PEX5L: variants seen among roughly 807,000 people sequenced by gnomAD.
PEX5L encodes the protein peroxisomal biogenesis factor 5 like, also known as PEX5-related protein.
Under a neutral mutation model 84.0 loss-of-function variants are expected in PEX5L, and 30 were observed. The ratio of observed to expected loss-of-function variants is 0.36; its 90% confidence interval spans 0.27 to 0.48. PEX5L has a LOEUF of 0.48. PEX5L is among the 20% of genes least tolerant of loss of function. The pLI is 0.99. For synonymous variants in PEX5L, 270 were observed against 283.1 expected, an observed-to-expected ratio of 0.95 and a Z score of 0.46; for missense variants, 533 against 754.6, an observed-to-expected ratio of 0.71 and a Z score of 3.44.
intron 7 of PEX5L, among the ~76,000 whole-genome samples, chr3:179,867,352 T>C (rs1748702237): frequency 1.3e-5 from 2 of 152,200 alleles, no homozygotes; most frequent in South Asian, 4.1e-4. Flanking sequence ...GTTGTTTTCC[T>C]TTTTTGTTAG....
chr3:179,998,960 C>G (rs1788139187), intron 1 of PEX5L, among the ~76,000 whole-genome samples: 1 of 152,196 alleles, frequency 6.6e-6, no homozygotes, highest in African/African-American at 2.4e-5. Flanking sequence ...CAAAAGTGGA[C>G]AGCTGCAGCA....
In PEX5L at chr3:179,801,616, T is replaced by G; in HGVS notation, c.*212A>C. 1 of 542,202 alleles carries G rather than the reference T, an allele frequency of 1.8e-6. No homozygotes were observed. 33.6% of individuals were successfully genotyped at this position (542,202 alleles called of 1,614,324 possible). On this transcript the variant is annotated 3_prime_UTR_variant, in exon 15 of 15. Coordinates refer to ENST00000467460, the MANE Select transcript of PEX5L (RefSeq NM_016559.3). Reference sequence around the variant, plus strand: ...GTCTTGAGTCTCTTAATTCTTCTTTTGAGCCTGACTTTGACTCTATATACA... The same window carrying G: ...GTCTTGAGTCTCTTAATTCTTCTTTGGAGCCTGACTTTGACTCTATATACA...
chr3:179,880,007 C>T lies in PEX5L; in HGVS notation c.427G>A (p.Gly143Arg), dbSNP rs1334355142. The T allele has an allele frequency of 6.2e-7, 1 of 1,613,960 alleles. No homozygotes were observed. Among genetic ancestry groups the T allele is most frequent in the African/African-American group, 1.3e-5 (1 of 74,916 alleles). ...GCATCCGTGCTGATGAGGTCAGATC[C>T]ATCGGCCTTTTTCTTGAGGGATGAG... ...KTSSLKKKAD[G>R]SDLISTDAEQ... Residue 143 changes from glycine to arginine, a missense_variant, in exon 5 of 15, where the codon GGA becomes AGA. This residue lies in a region of PEX5L where 259 missense variants were observed against 301.7 expected (regional missense o/e 0.86). Transcript: ENST00000467460.
In PEX5L at chr3:179,859,137, A is replaced by G. The variant is rs2108532117; in HGVS notation, c.747T>C (p.His249=). 1 of 1,613,698 alleles carries G rather than the reference A, an allele frequency of 6.2e-7. No individual in the cohort carries two copies. The highest frequency in any genetic ancestry group is 2.2e-5 in the East Asian group (1 of 44,888). ...TAGAAAGTAATGCGCTTCCCCAGCG[A>G]TGTTCTTTGGTCAGTCGAGCCTGAA... is the stretch of plus-strand genomic sequence containing the variant. The part of the protein sequence containing the change: ...APTQARLTKE[H]RWGSALLSRN... Residue 249 remains histidine, a synonymous_variant, in exon 8 of 15, where the codon CAT becomes CAC. Coordinates refer to ENST00000467460, the MANE Select transcript of PEX5L (RefSeq NM_016559.3).
chr3:179,900,775 G>C, intron 2 of PEX5L: 1 of 1,426,364 alleles, frequency 7.0e-7, no homozygotes, highest in Non-Finnish European at 9.5e-7. Flanking sequence ...GTGCCTGCTA[G>C]CAACTTTTTT....
At chr3:179,832,344 C>A (rs914207477) in intron 8 of PEX5L, among the ~76,000 whole-genome samples, 8 of 151,904 alleles carry the variant, frequency 5.3e-5, no homozygotes, top group Non-Finnish European at 1.2e-4. Context: ...ACTTACCCAC[C>A]CACCCACCTG....
chr3:179,824,835 A>G (rs1362275736), intron 8 of PEX5L, among the ~76,000 whole-genome samples: 3 of 152,276 alleles, frequency 2.0e-5, no homozygotes, highest in South Asian at 2.1e-4. Flanking sequence ...GTGCATATCA[A>G]TGTGGGGCTT....
intron 1 of PEX5L, among the ~76,000 whole-genome samples, chr3:180,034,069 T>G (rs1791685883): frequency 6.6e-6 from 1 of 152,220 alleles, no homozygotes. Flanking sequence ...ATCATTAAGT[T>G]GCAAAAACAA....
At chr3:179,834,925 C>T (rs757235376) in intron 8 of PEX5L, among the ~76,000 whole-genome samples, 1 of 152,064 alleles carries the variant, frequency 6.6e-6, no homozygotes, top group Non-Finnish European at 1.5e-5. Context: ...GCTCTTAATC[C>T]AATACGGCTG....
chr3:180,022,459 C>T lies in PEX5L; in HGVS notation c.21+14120G>A, dbSNP rs13316825. ...GAGAACTCCCTCAAATAAATAGCAA[C>T]GGATTTTTCTCAAGTAAAGTCTTGT... On this transcript the variant is annotated intron_variant, in intron 1 of 14. Coordinates refer to ENST00000467460, the MANE Select transcript of PEX5L (RefSeq NM_016559.3). Among the ~76,000 whole-genome samples the T allele has an allele frequency of 8.8e-3, 1,342 of 152,050 alleles. 18 individuals are homozygous for T. Among genetic ancestry groups the T allele is most frequent in the African/African-American group, 0.031 (1,270 of 41,440 alleles).
chr3:180,001,948 G>A (rs184024428), intron 1 of PEX5L, among the ~76,000 whole-genome samples: 9 of 152,134 alleles, frequency 5.9e-5, no homozygotes, highest in Non-Finnish European at 8.8e-5. Flanking sequence ...ACATATAGAC[G>A]TTAGCTGGGG....
chr3:179,895,028 GT>G (rs760719260), intron 3 of PEX5L, among the ~76,000 whole-genome samples: 3 of 151,962 alleles, frequency 2.0e-5, no homozygotes, highest in Non-Finnish European at 2.9e-5. Flanking sequence ...AATTGAATTT[GT>G]TTATACTATT....
At chr3:179,966,899 C>G (rs973491027) in intron 2 of PEX5L, among the ~76,000 whole-genome samples, 1 of 152,172 alleles carries the variant, frequency 6.6e-6, no homozygotes, top group Non-Finnish European at 1.5e-5. Context: ...CCTTCTCATG[C>G]CTGGTAGACG....
At chr3:179,963,757 G>A (rs530000005) in intron 2 of PEX5L, among the ~76,000 whole-genome samples, 33 of 152,198 alleles carry the variant, frequency 2.2e-4, no homozygotes, top group Non-Finnish European at 4.7e-4. Context: ...AAGCTGATAC[G>A]TGCTGCCACC....
intron 2 of PEX5L, among the ~76,000 whole-genome samples, chr3:179,934,055 G>A (rs562182036): frequency 8.5e-5 from 13 of 152,322 alleles, no homozygotes; most frequent in Non-Finnish European, 1.3e-4. Context: ...CAGATCTGCC[G>A]AATTTGGCTT....
intron 8 of PEX5L, among the ~76,000 whole-genome samples, chr3:179,842,955 T>C (rs1283795751): frequency 5.3e-5 from 8 of 152,022 alleles, no homozygotes; most frequent in African/African-American, 1.9e-4. Flanking sequence ...TGTAAGTTCA[T>C]GCAAGGAACT....
chr3:179,836,867 A>C (rs1414492544), intron 8 of PEX5L, among the ~76,000 whole-genome samples: 1 of 152,326 alleles, frequency 6.6e-6, no homozygotes, highest in East Asian at 1.9e-4. Flanking sequence ...AAATGCCAGC[A>C]AAGCAGACTT....
At chr3:179,808,147 A>AC in intron 13 of PEX5L, 125 bp downstream of exon 13, 3 of 701,584 alleles carry the variant, frequency 4.3e-6, no homozygotes, top group Non-Finnish European at 6.8e-6. Flanking sequence ...TATTATTAGT[A>AC]CCCATCACTT....
At chr3:179,857,591 T>C (rs1277464085) in intron 8 of PEX5L, among the ~76,000 whole-genome samples, 1 of 152,230 alleles carries the variant, frequency 6.6e-6, no homozygotes. Context: ...GATAGATAGA[T>C]AGTCTTCCCT....
Sources: allele counts gnomAD v4.1 joint callset (sites outside exome capture counted in the v4.1 genomes callset), GRCh38; gene constraint gnomAD v4.1.1; regional missense constraint gnomAD v4.1.1; transcripts MANE v1.5; gene names NCBI Gene and HGNC (gene_info 2026-07-23, HGNC 2026-07-21).